SLC45A2: variants seen among roughly 807,000 people sequenced by gnomAD.
SLC45A2 encodes solute carrier family 45 member 2.
SLC45A2 carries 36 observed loss-of-function variants against 45.5 expected under a neutral mutation model. That is an observed-to-expected ratio of 0.79 (90% CI 0.61 to 1.04). The LOEUF is 1.04. SLC45A2 is among the 50% of genes least tolerant of loss of function. The pLI, the probability that SLC45A2 is intolerant of heterozygous loss-of-function variation, is 0.00. For missense variants in SLC45A2, 719 were observed against 671.0 expected, an observed-to-expected ratio of 1.07 and a Z score of -0.79; for synonymous variants, 306 against 269.3, an observed-to-expected ratio of 1.14 and a Z score of -1.33.
chr5:33,978,255 C>T (rs1752984118), intron 2 of SLC45A2, among the ~76,000 whole-genome samples: 1 of 152,160 alleles, frequency 6.6e-6, no homozygotes, highest in Admixed American at 6.5e-5. Flanking sequence ...AATAGGATGC[C>T]AAATTCCAAC....
intron 2 of SLC45A2, among the ~76,000 whole-genome samples, chr5:33,981,519 C>T (rs775954911): frequency 1.3e-5 from 2 of 152,140 alleles, no homozygotes; most frequent in Non-Finnish European, 2.9e-5. Context: ...ATCCTCCTGT[C>T]GCCTTATATT....
At chr5:33,957,804 T>C (rs1381835021) in intron 3 of SLC45A2, among the ~76,000 whole-genome samples, 1 of 152,196 alleles carries the variant, frequency 6.6e-6, no homozygotes, top group African/African-American at 2.4e-5. Context: ...AATATTAATA[T>C]ATGCTTCTGA....
At chr5:33,982,811 AT>A (rs1008675243) in intron 1 of SLC45A2, among the ~76,000 whole-genome samples, 3 of 152,230 alleles carry the variant, frequency 2.0e-5, no homozygotes, top group Non-Finnish European at 4.4e-5. Flanking sequence ...ATCTCCTTAA[AT>A]AAAAAAGTAT....
chr5:33,963,551 G>T, intron 3 of SLC45A2, 140 bp downstream of exon 3: 1 of 920,246 alleles, frequency 1.1e-6, no homozygotes, highest in Non-Finnish European at 1.7e-6. Context: ...AGGGATGATA[G>T]CTACGGGGGA....
intron 3 of SLC45A2, among the ~76,000 whole-genome samples, chr5:33,959,111 T>C (rs915541085): frequency 1.3e-5 from 2 of 152,178 alleles, no homozygotes; most frequent in South Asian, 4.1e-4. Flanking sequence ...TTGCAGGATT[T>C]AAAAATAGAA....
At chr5:33,963,556 G>T in intron 3 of SLC45A2, 135 bp downstream of exon 3, 2 of 960,634 alleles carry the variant, frequency 2.1e-6, no homozygotes, top group Non-Finnish European at 3.3e-6. Context: ...TGATAGCTAC[G>T]GGGGATTTGG....
At chr5:33,946,042 GCTAA>G (rs1277648637) in intron 6 of SLC45A2, 10 of 985,414 alleles carry the variant, frequency 1.0e-5, no homozygotes, top group Non-Finnish European at 1.1e-5. Context: ...CATTCTAAGT[GCTAA>G]CTAATAAACA....
chr5:33,962,964 G>A (rs577268692), intron 3 of SLC45A2, among the ~76,000 whole-genome samples: 9 of 152,344 alleles, frequency 5.9e-5, no homozygotes, highest in South Asian at 4.1e-4. Flanking sequence ...CCAACAGAAC[G>A]TTCTACAATG....
chr5:33,954,466 T>G lies in SLC45A2; in HGVS notation c.927A>C (p.Ala309=), dbSNP rs1433519395. 1 of 1,614,088 alleles carries G rather than the reference T, an allele frequency of 6.2e-7. No homozygotes were observed. The highest frequency in any genetic ancestry group is 1.7e-5 in the Admixed American group (1 of 59,964). The change falls in exon 4 of 7, where the codon GCA becomes GCC. Residue 309 remains alanine, a synonymous_variant. Transcript: ENST00000296589. ...RAMTLKSLLR[A]LVNMPPHYRY... The stretch of plus-strand genomic sequence containing the variant: ...GGTAGTGAGGAGGCATGTTCACCAG[T>G]GCTCTCAGCAGTGACTTTAATGTCA...
At chr5:33,972,234 G>T (rs1579555339) in intron 2 of SLC45A2, 1 of 523,758 alleles carries the variant, frequency 1.9e-6, no homozygotes, top group Non-Finnish European at 3.9e-6. Context: ...GAGATTCAGA[G>T]AACTTTAATG....
chr5:33,944,757 C>G lies in SLC45A2; in HGVS notation c.1484G>C (p.Gly495Ala). 1 of 1,614,192 alleles carries G rather than the reference C, an allele frequency of 6.2e-7. No individual in the cohort carries two copies. The change falls in exon 7 of 7, where the codon GGC (glycine) becomes GCC (alanine). Residue 495 changes from glycine (G) to alanine (A), a missense_variant. Gly to Ala is a moderately conservative substitution (Grantham distance 60). Transcript: ENST00000296589. ...GGTCCCGGCTGTGTTGACCAGAAAG[C>G]CCAGGCCACCTCCGACCAGGATCTG... is the stretch of plus-strand genomic sequence containing the variant. ...LAQILVGGGL[G>A]FLVNTAGTVV...
chr5:33,963,171 C>G (rs888513523), intron 3 of SLC45A2, among the ~76,000 whole-genome samples: 1 of 152,228 alleles, frequency 6.6e-6, no homozygotes, highest in Admixed American at 6.5e-5. Context: ...ATCATTTCAT[C>G]TGAACATGGT....
At chr5:33,965,269 C>A (rs1336073723) in intron 2 of SLC45A2, among the ~76,000 whole-genome samples, 1 of 152,180 alleles carries the variant, frequency 6.6e-6, no homozygotes, top group East Asian at 1.9e-4. Context: ...CCCTAAACAT[C>A]TAAAGTTACA....
intron 3 of SLC45A2, among the ~76,000 whole-genome samples, chr5:33,959,098 G>A (rs1176152121): frequency 6.6e-6 from 1 of 152,004 alleles, no homozygotes; most frequent in Non-Finnish European, 1.5e-5. Context: ...AATTTTGGAT[G>A]TATTGCAGGA....
intron 6 of SLC45A2, chr5:33,946,880 C>G (rs1391373727): frequency 7.3e-7 from 1 of 1,378,750 alleles, no homozygotes; most frequent in African/African-American, 1.5e-5. Context: ...GTTTCTCAGC[C>G]TCACCAAGCC....
At chr5:33,963,668 A>C in intron 3 of SLC45A2, 23 bp downstream of exon 3, 1 of 1,611,292 alleles carries the variant, frequency 6.2e-7, no homozygotes, top group Admixed American at 1.7e-5. Flanking sequence ...TTCCCTTGTA[A>C]AGAAAAAATG....
chr5:33,974,108 T>C (rs1752858920), intron 2 of SLC45A2, among the ~76,000 whole-genome samples: 1 of 152,178 alleles, frequency 6.6e-6, no homozygotes. Context: ...CACAAAAGGA[T>C]TTCCAGTCTT....
At chr5:33,948,660 TGTTAAG>T (rs918740559) in intron 5 of SLC45A2, among the ~76,000 whole-genome samples, 1 of 152,232 alleles carries the variant, frequency 6.6e-6, no homozygotes. Flanking sequence ...GGAGGACTGT[TGTTAAG>T]GTTGAGAATA....
At chr5:33,961,996 C>CTT (rs1227282862) in intron 3 of SLC45A2, among the ~76,000 whole-genome samples, 1 of 152,176 alleles carries the variant, frequency 6.6e-6, no homozygotes, top group African/African-American at 2.4e-5. Flanking sequence ...TTCCTTTCTC[C>CTT]TTTCACAGGT....
Sources: allele counts gnomAD v4.1 joint callset (sites outside exome capture counted in the v4.1 genomes callset), GRCh38; gene constraint gnomAD v4.1.1; transcripts MANE v1.5; gene names NCBI Gene and HGNC (gene_info 2026-07-23, HGNC 2026-07-21).